The following CDC73 variants were observed in gnomAD, a reference collection of about 807,000 sequenced individuals.
CDC73 encodes cell division cycle 73.
Under a neutral mutation model 83.7 loss-of-function variants are expected in CDC73, and 21 were observed. The ratio of observed to expected loss-of-function variants is 0.25; its 90% confidence interval spans 0.18 to 0.36. The LOEUF (loss-of-function observed/expected upper bound fraction) is 0.36. Ranked by LOEUF, CDC73 falls within the 10% of genes least tolerant of loss-of-function variation. CDC73 has a pLI of 1.00. For synonymous variants in CDC73, 224 were observed against 212.9 expected (o/e 1.05, Z -0.45); for missense variants, 342 against 653.3 (o/e 0.52, Z 5.19).
At chr1:193,177,889 A>G (rs1330115961) in intron 10 of CDC73, among the ~76,000 whole-genome samples, 1 of 152,234 alleles carries the variant, frequency 6.6e-6, no homozygotes, top group Non-Finnish European at 1.5e-5. Flanking sequence ...ACTTGATCAA[A>G]ATAAATAAGT....
chr1:193,129,082 C>T (rs1052010627), intron 2 of CDC73, among the ~76,000 whole-genome samples: 2 of 150,818 alleles, frequency 1.3e-5, no homozygotes, highest in Admixed American at 6.6e-5. Flanking sequence ...ACTGCAACCT[C>T]TGCCGCCCAG....
At chr1:193,177,997 G>T (rs1041454407) in intron 10 of CDC73, among the ~76,000 whole-genome samples, 1 of 152,126 alleles carries the variant, frequency 6.6e-6, no homozygotes, top group Non-Finnish European at 1.5e-5. Flanking sequence ...TTGACCAAAA[G>T]CAAAGCTGTC....
intron 13 of CDC73, among the ~76,000 whole-genome samples, chr1:193,230,189 C>G (rs549198618): frequency 2.0e-5 from 3 of 150,822 alleles, no homozygotes; most frequent in African/African-American, 7.3e-5. Flanking sequence ...CACTCTGTCC[C>G]CCAGGCTGGA....
intron 10 of CDC73, among the ~76,000 whole-genome samples, chr1:193,165,550 C>T (rs1676421953): frequency 2.0e-5 from 3 of 152,142 alleles, no homozygotes; most frequent in Non-Finnish European, 4.4e-5. Flanking sequence ...ATACATACAG[C>T]ATAAATGCAA....
chr1:193,183,877 A>G (rs1431781240), intron 10 of CDC73, among the ~76,000 whole-genome samples: 1 of 151,714 alleles, frequency 6.6e-6, no homozygotes, highest in Non-Finnish European at 1.5e-5. Flanking sequence ...TGTAAATTTG[A>G]TGGTGTAAGA....
chr1:193,175,482 G>T (rs1005617647), intron 10 of CDC73, among the ~76,000 whole-genome samples: 1 of 152,094 alleles, frequency 6.6e-6, no homozygotes, highest in Non-Finnish European at 1.5e-5. Flanking sequence ...GACACAGTTG[G>T]CACTTCATAT....
chr1:193,246,321 G>A (rs1194257817), intron 15 of CDC73, among the ~76,000 whole-genome samples: 3 of 151,912 alleles, frequency 2.0e-5, no homozygotes, highest in African/African-American at 4.8e-5. Flanking sequence ...TCATTCTTCT[G>A]TATATAGAGA....
At chr1:193,234,281 A>ATTTATTATATATAT (rs377222949) in intron 14 of CDC73, among the ~76,000 whole-genome samples, 2 of 22,406 alleles carry the variant, frequency 8.9e-5, no homozygotes, top group East Asian at 1.1e-3. Flanking sequence ...AATATATATA[A>ATTTATTATATATAT]TATACATATT....
At chr1:193,158,395 C>T (rs1676244773) in intron 10 of CDC73, among the ~76,000 whole-genome samples, 1 of 151,776 alleles carries the variant, frequency 6.6e-6, no homozygotes, top group Non-Finnish European at 1.5e-5. Context: ...AGGATGGTGG[C>T]TCACAGCTAT....
At chr1:193,181,720 G>A in intron 10 of CDC73, 1 of 664,746 alleles carries the variant, frequency 1.5e-6, no homozygotes, top group South Asian at 2.5e-5. Flanking sequence ...AGAACTGCCT[G>A]AAAGGGACTT....
At position 193,232,915 on chromosome 1, in the gene CDC73, T is replaced by A. The variant is rs891823010; in HGVS notation, c.1155-78T>A. 1.8e-3 allele frequency: 2,250 copies of A among 1,278,142 alleles called. 6 individuals are homozygous for A. The highest frequency in any genetic ancestry group is 2.1e-3 in the Non-Finnish European group (1,931 of 906,204). The allele number at this position is 1,278,142 out of a possible 1,614,324, so 79.2% of individuals were successfully genotyped here. On this transcript the variant is annotated intron_variant, in intron 13 of 16. Transcript: ENST00000367435. ...AAAACTCTGTCTCAAAAAAAAAAAATATTTCAAATTATAGTTTATCTTCCC... is the reference window on the plus strand; with the variant it reads ...AAAACTCTGTCTCAAAAAAAAAAAAAATTTCAAATTATAGTTTATCTTCCC...
chr1:193,182,704 T>C (rs1676738063), intron 10 of CDC73, among the ~76,000 whole-genome samples: 2 of 152,142 alleles, frequency 1.3e-5, no homozygotes, highest in Non-Finnish European at 2.9e-5. Context: ...GGTTATGTTA[T>C]CTTGCAACAA....
intron 1 of CDC73, among the ~76,000 whole-genome samples, chr1:193,123,555 T>G (rs913715154): frequency 6.6e-6 from 1 of 152,234 alleles, no homozygotes; most frequent in African/African-American, 2.4e-5. Flanking sequence ...TTTTTTTGTC[T>G]TATGATTTAA....
At chr1:193,148,950 A>G (rs1676056705) in intron 8 of CDC73, among the ~76,000 whole-genome samples, 1 of 152,158 alleles carries the variant, frequency 6.6e-6, no homozygotes, top group African/African-American at 2.4e-5. Flanking sequence ...CAAGTTTTAA[A>G]AGGCACATTG....
chr1:193,223,219 T>C (rs898984157), intron 13 of CDC73, among the ~76,000 whole-genome samples: 2 of 136,480 alleles, frequency 1.5e-5, no homozygotes, highest in African/African-American at 5.3e-5. Context: ...GTTTAGTTTT[T>C]TACTGTTCAT....
At chr1:193,140,925 A>G (rs913947906) in intron 6 of CDC73, 1 of 152,178 alleles carries the variant, frequency 6.6e-6, no homozygotes, top group African/African-American at 2.4e-5. Context: ...TTTTAAGGGA[A>G]ATTTGCACAG....
At chr1:193,186,738 T>C (rs929873249) in intron 10 of CDC73, 1 of 152,170 alleles carries the variant, frequency 6.6e-6, no homozygotes, top group African/African-American at 2.4e-5. Context: ...GAGATTTTGC[T>C]TTTATGTGAT....
intron 14 of CDC73, among the ~76,000 whole-genome samples, chr1:193,234,673 C>T (rs1349141897): frequency 1.3e-5 from 2 of 151,994 alleles, no homozygotes; most frequent in East Asian, 1.9e-4. Context: ...ATTCTGCTTC[C>T]GTGCTGATGC....
chr1:193,195,933 T>C (rs951861055), intron 10 of CDC73, among the ~76,000 whole-genome samples: 1 of 152,164 alleles, frequency 6.6e-6, no homozygotes, highest in Non-Finnish European at 1.5e-5. Context: ...TTGCAAATAT[T>C]TTTTCCCTTC....
Sources: gnomAD v4.1 joint callset for allele counts (sites outside exome capture counted in the v4.1 genomes callset) on GRCh38, gnomAD v4.1.1 for gene constraint, MANE v1.5 for transcripts, NCBI Gene and HGNC (gene_info 2026-07-23, HGNC 2026-07-21) for gene names.